The following GDF5 variants were observed in gnomAD, a reference collection of about 807,000 sequenced individuals.
GDF5 encodes the protein growth/differentiation factor 5.
GDF5 carries 17 observed loss-of-function variants against 34.6 expected under a neutral mutation model. The ratio of observed to expected loss-of-function variants is 0.49; its 90% CI spans 0.34 to 0.74. The LOEUF is 0.74. Among genes scored for constraint, GDF5 ranks in the 30% least tolerant of loss-of-function variants. GDF5 has a pLI of 0.01. For synonymous variants in GDF5, 332 were observed against 290.7 expected (o/e 1.14, Z -1.44); for missense variants, 616 against 661.2 (o/e 0.93, Z 0.75).
chr20:35,443,726 G>A (rs549718999), intron 1 of GDF5, among the ~76,000 whole-genome samples: 1 of 152,126 alleles, frequency 6.6e-6, no homozygotes, highest in East Asian at 1.9e-4. Flanking sequence ...TGGCCAGGCT[G>A]GTCTCGAACT....
At chr20:35,451,546 A>G (rs562271313) in intron 1 of GDF5, among the ~76,000 whole-genome samples, 2 of 149,132 alleles carry the variant, frequency 1.3e-5, no homozygotes, top group South Asian at 4.2e-4. Context: ...TGCTCCATGC[A>G]GTTTGCAGAA....
In GDF5 at chr20:35,434,548, A is replaced by G; in HGVS notation, c.867T>C (p.Ser289=). ...TCCAGATGTCGAACACCTCCCAGCC[A>G]GATCCGTCCAGGCCTGGCACGGAGC... ...DVRSVPGLDG[S]GWEVFDIWKL... is the part of the protein sequence containing the mutation. The change falls in exon 2 of 2, where the codon TCT becomes TCC. Residue 289 remains serine (S), a synonymous_variant. Coordinates refer to ENST00000374369, the MANE Select transcript of GDF5 (RefSeq NM_000557.5). The G allele has an allele frequency of 1.3e-6, 2 of 1,597,420 alleles. No homozygotes were observed. The highest frequency in any genetic ancestry group is 1.7e-6 in the Non-Finnish European group (2 of 1,171,144).
At chr20:35,439,234 C>A (rs1042503435), upstream of GDF5, among the ~76,000 whole-genome samples, 170 of 146,578 alleles carry the variant, frequency 1.2e-3, 1 homozygote, top group Non-Finnish European at 2.2e-3. Context: ...TCCCACATGA[C>A]GCTTTTTTTT....
At position 35,434,442 on chromosome 20, in the gene GDF5, G is replaced by A; in HGVS notation, c.973C>T (p.Arg325Cys). 2 of 1,613,344 alleles carry A rather than the reference G, an allele frequency of 1.2e-6. No individual in the cohort carries two copies. The highest frequency in any genetic ancestry group is 1.1e-5 in the South Asian group (1 of 91,062). The change falls in exon 2 of 2, where the codon CGT (arginine) becomes TGT (cysteine). Residue 325 changes from arginine (R) to cysteine (C), a missense_variant. Coordinates refer to ENST00000374369, the MANE Select transcript of GDF5 (RefSeq NM_000557.5). ...GCGGCGCGGTCGAAGCCCAGGCCAC[G>A]GAGGTCCACGGCCCTGCCCCGTTCC... ...AWERGRAVDL[R>C]GLGFDRAARQ...
upstream of GDF5, among the ~76,000 whole-genome samples, chr20:35,440,712 C>T (rs766675282): frequency 2.5e-4 from 38 of 152,176 alleles, no homozygotes; most frequent in South Asian, 8.3e-4. Flanking sequence ...TTGTTTCTTC[C>T]ACTCTGTATT....
At chr20:35,446,950 C>G (rs1350139785) in intron 1 of GDF5, among the ~76,000 whole-genome samples, 1 of 152,128 alleles carries the variant, frequency 6.6e-6, no homozygotes, top group Non-Finnish European at 1.5e-5. Flanking sequence ...CCTACACTCA[C>G]CCGCGCCGCA....
In GDF5 at chr20:35,452,613, G is replaced by A. The variant is rs189128098; in HGVS notation, c.-398+2027C>T. ...AATTTTATATTTTTAGTAGAGATGG[G>A]GTTTCTCCCTGTTGGTCAGGATGGT... is the stretch of plus-strand genomic sequence containing the variant. On this transcript the variant is annotated intron_variant, in intron 1 of 3. Coordinates refer to the GDF5 transcript ENST00000374372. 1.6e-3 allele frequency among the ~76,000 whole-genome samples: 244 copies of A among 152,122 alleles called. 1 individual carries two copies. Among genetic ancestry groups the A allele is most frequent in the African/African-American group, 5.5e-3 (228 of 41,498 alleles).
At chr20:35,439,647 C>T (rs1045695550), upstream of GDF5, among the ~76,000 whole-genome samples, 16 of 152,088 alleles carry the variant, frequency 1.1e-4, no homozygotes, top group Admixed American at 3.3e-4. Context: ...GAACCTTCGC[C>T]GTAGAGCCCC....
In GDF5 at chr20:35,433,692, C is replaced by T; in HGVS notation, c.*217G>A. 1 of 625,838 alleles carries T rather than the reference C, an allele frequency of 1.6e-6. No individual in the cohort carries two copies. Among genetic ancestry groups the T allele is most frequent in the Non-Finnish European group, 2.9e-6 (1 of 343,778 alleles). The allele number at this position is 625,838 out of a possible 1,614,324, so 38.8% of individuals were successfully genotyped here. A position where few individuals can be genotyped will look rare whatever the true frequency, so the allele number is the denominator to read the frequency against. On this transcript the variant is annotated 3_prime_UTR_variant, in exon 2 of 2. Coordinates refer to ENST00000374369, the MANE Select transcript of GDF5 (RefSeq NM_000557.5). ...GACCTGTGCCTGCCACTGGTCACAT[C>T]AGCAGACGGGCAGCAATCCTCAGCC...
upstream of GDF5, among the ~76,000 whole-genome samples, chr20:35,439,648 G>A (rs377107237): frequency 1.1e-4 from 17 of 152,200 alleles, no homozygotes; most frequent in African/African-American, 2.6e-4. Context: ...AACCTTCGCC[G>A]TAGAGCCCCT....
At chr20:35,453,633 C>T (rs1267006213) in intron 1 of GDF5, among the ~76,000 whole-genome samples, 1 of 152,208 alleles carries the variant, frequency 6.6e-6, no homozygotes, top group Non-Finnish European at 1.5e-5. Flanking sequence ...AGATAGTTTG[C>T]CTTTCAGAAT....
At chr20:35,451,989 A>T (rs2062535358) in intron 1 of GDF5, among the ~76,000 whole-genome samples, 1 of 152,162 alleles carries the variant, frequency 6.6e-6, no homozygotes, top group African/African-American at 2.4e-5. Flanking sequence ...AGCGAGCATT[A>T]CCACCTGAGC....
At chr20:35,451,106 T>G (rs1430457333) in intron 1 of GDF5, among the ~76,000 whole-genome samples, 1 of 136,282 alleles carries the variant, frequency 7.3e-6, no homozygotes, top group East Asian at 2.0e-4. Flanking sequence ...CAAATATATA[T>G]GTAGTGATTT....
At position 35,437,942 on chromosome 20, in the gene GDF5, G is replaced by A. The variant is rs565928127; in HGVS notation, c.-14C>T. Reference sequence around the variant, plus strand: ...GGGGAGTCTCATCCTCTGGCCAGCCGCTGAATGACACCAAAGAGAACAGCG... The same window carrying A: ...GGGGAGTCTCATCCTCTGGCCAGCCACTGAATGACACCAAAGAGAACAGCG... On this transcript the variant is annotated 5_prime_UTR_variant, in exon 1 of 2. Coordinates refer to ENST00000374369, the MANE Select transcript of GDF5 (RefSeq NM_000557.5). 5.6e-6 allele frequency: 9 copies of A among 1,613,720 alleles called. No individual in the cohort carries two copies. Among genetic ancestry groups the A allele is most frequent in the African/African-American group, 5.3e-5 (4 of 75,040 alleles).
At chr20:35,440,881 G>A (rs920643779), upstream of GDF5, among the ~76,000 whole-genome samples, 5 of 152,268 alleles carry the variant, frequency 3.3e-5, no homozygotes, top group African/African-American at 7.2e-5. Flanking sequence ...CTCTCAGTAC[G>A]TGTTATATGA....
upstream of GDF5, among the ~76,000 whole-genome samples, chr20:35,439,506 C>T (rs765297988): frequency 5.2e-4 from 79 of 152,240 alleles, no homozygotes; most frequent in African/African-American, 1.9e-3. Context: ...GGATTACAGG[C>T]GTGAGCCACC....
At chr20:35,444,495 G>A (rs957313254) in intron 1 of GDF5, among the ~76,000 whole-genome samples, 4 of 152,184 alleles carry the variant, frequency 2.6e-5, no homozygotes, top group Non-Finnish European at 5.9e-5. Context: ...GAAGCAGAGT[G>A]AGCGAAGGGG....
intron 1 of GDF5, among the ~76,000 whole-genome samples, chr20:35,451,068 T>TAA (rs1568738390): frequency 0.16 from 5,025 of 31,524 alleles, 926 homozygotes; most frequent in East Asian, 0.6. Context: ...AAAAAAAATA[T>TAA]ATATATATAT....
chr20:35,436,189 C>T (rs1047184989), intron 1 of GDF5, among the ~76,000 whole-genome samples: 5 of 152,170 alleles, frequency 3.3e-5, no homozygotes, highest in Non-Finnish European at 5.9e-5. Flanking sequence ...CCCATCTCCC[C>T]CTCTCCAAGC....
Sources: gnomAD v4.1 joint callset for allele counts (sites outside exome capture counted in the v4.1 genomes callset) on GRCh38, gnomAD v4.1.1 for gene constraint, MANE v1.5 for transcripts, NCBI Gene and HGNC (gene_info 2026-07-23, HGNC 2026-07-21) for gene names.